The following HOOK3 variants were observed in gnomAD, a reference collection of about 807,000 sequenced individuals.
HOOK3 encodes hook microtubule tethering protein 3.
In HOOK3, 24 loss-of-function variants were observed where a neutral mutation model predicts 116.3. That is an observed-to-expected ratio of 0.21 (90% CI 0.15 to 0.29). The LOEUF (loss-of-function observed/expected upper bound fraction) is 0.29, where lower values mean the gene tolerates loss of function less well. Among genes scored for constraint, HOOK3 ranks in the 10% least tolerant of loss-of-function variants. HOOK3 has a pLI of 1.00. For missense variants in HOOK3, 632 were observed against 830.2 expected (o/e 0.76, Z 2.93); for synonymous variants, 275 against 283.0 (o/e 0.97, Z 0.28).
intron 2 of HOOK3, among the ~76,000 whole-genome samples, chr8:42,909,147 T>C (rs1205680028): frequency 6.6e-6 from 1 of 152,146 alleles, no homozygotes; most frequent in East Asian, 1.9e-4. Context: ...ATCAAAAAGA[T>C]GAAAGATACG....
At chr8:42,900,826 T>G (rs2130310854) in intron 1 of HOOK3, among the ~76,000 whole-genome samples, 1 of 152,348 alleles carries the variant, frequency 6.6e-6, no homozygotes, top group East Asian at 1.9e-4. Flanking sequence ...ATTCTCATGC[T>G]TTAGTGTTGA....
In HOOK3 at chr8:43,025,272, CTG is replaced by C. The variant is rs1160147577; in HGVS notation, c.*6776_*6777del. ...TTTTCTTATAATTTCCAGTAATACT[CTG>C]TAAGACTCGGTTTGCATGCTGTGTG... On this transcript the variant is annotated 3_prime_UTR_variant, in exon 22 of 22. Transcript: ENST00000307602. 9.6e-6 allele frequency: 2 copies of C among 208,972 alleles called. No homozygotes were observed. The highest frequency in any genetic ancestry group is 1.9e-5 in the Non-Finnish European group (2 of 102,842). 12.9% of individuals were successfully genotyped at this position (208,972 alleles called of 1,614,324 possible).
At chr8:42,995,006 TTGTGGTATTACTAGTAA>T (rs1809238879) in intron 15 of HOOK3, among the ~76,000 whole-genome samples, 1 of 152,240 alleles carries the variant, frequency 6.6e-6, no homozygotes, top group South Asian at 2.1e-4. Flanking sequence ...GTGAACAGTA[TTGTGGTATTACTAGTAA>T]TGTGTTTATG....
At chr8:42,994,334 T>G (rs1809224478) in intron 15 of HOOK3, 1 of 306,346 alleles carries the variant, frequency 3.3e-6, no homozygotes, top group South Asian at 2.7e-5. Context: ...TCTTTATTAT[T>G]TCTTCTACTA....
rs540797421 is a variant in HOOK3, at chr8:43,007,772, G to A, written c.1656-75G>A. On this transcript the variant is annotated intron_variant, in intron 17 of 21. Transcript: ENST00000307602. ...CAATGCAAGTGTAATCCAAATATAA[G>A]GAACTCAGATCTTTAATTTGAACTG... The A allele has an allele frequency of 2.3e-5, 18 of 790,168 alleles. No homozygotes were observed. In the South Asian group the frequency reaches 4.3e-4, roughly 19 times the overall value. 48.9% of individuals were successfully genotyped at this position (790,168 alleles called of 1,614,324 possible). A position where few individuals can be genotyped will look rare whatever the true frequency, so the allele number is the denominator to read the frequency against.
chr8:42,946,606 T>A lies in HOOK3; in HGVS notation c.400+3161T>A, dbSNP rs975695631. On this transcript the variant is annotated intron_variant, in intron 5 of 21. Transcript: ENST00000307602. ...AAACAGATTTCTATTAACTTGTTGT[T>A]TGTACTTTTTTGGTGTTCCATGGTA... Among the ~76,000 whole-genome samples, 4 of 152,244 alleles carry A rather than the reference T, an allele frequency of 2.6e-5. 1 individual carries two copies. The South Asian group carries it at 8.3e-4, about 32-fold the overall frequency.
intron 6 of HOOK3, among the ~76,000 whole-genome samples, chr8:42,955,116 C>T (rs1351758984): frequency 6.6e-6 from 1 of 152,188 alleles, no homozygotes; most frequent in South Asian, 2.1e-4. Flanking sequence ...TTCTTTTACC[C>T]TCTCAATACA....
intron 4 of HOOK3, among the ~76,000 whole-genome samples, chr8:42,939,815 C>T (rs578223954): frequency 1.5e-4 from 23 of 149,728 alleles, no homozygotes; most frequent in African/African-American, 2.7e-4. Flanking sequence ...ACGGGGCGGC[C>T]GGGCAGAGAC....
chr8:42,982,576 T>A, intron 13 of HOOK3, 51 bp from the exon 14 acceptor site: 2 of 1,268,580 alleles, frequency 1.6e-6, no homozygotes, highest in Non-Finnish European at 2.3e-6. Flanking sequence ...TATCGAAAGT[T>A]GTGTAACTGT....
At position 43,000,456 on chromosome 8, in the gene HOOK3, T is replaced by TA. The variant is rs1419588559; in HGVS notation, c.1621-1648dup. Among the ~76,000 whole-genome samples, 5 of 152,332 alleles carry TA rather than the reference T, an allele frequency of 3.3e-5. No individual in the cohort carries two copies. The East Asian group carries it at 9.6e-4, about 29-fold the overall frequency. On this transcript the variant is annotated intron_variant, in intron 16 of 21. Coordinates refer to ENST00000307602, the MANE Select transcript of HOOK3 (RefSeq NM_032410.4). ...AGATACTCAAAGGATATCGAGCTCT[T>TA]AAAGAGTCAGCCAACAAGAAGTCTG...
chr8:42,988,273 G>C lies in HOOK3; in HGVS notation c.1532+1478G>C, dbSNP rs187855734. On this transcript the variant is annotated intron_variant, in intron 15 of 21. Coordinates refer to ENST00000307602, the MANE Select transcript of HOOK3 (RefSeq NM_032410.4). ...TGCGGGAGCAGCTGGCGGGTGGGCA[G>C]TCCCTCTGGTGCAAGTGTCTTGATG... Among the ~76,000 whole-genome samples, 169 of 152,330 alleles carry C rather than the reference G, an allele frequency of 1.1e-3. 1 individual carries two copies. Among genetic ancestry groups the C allele is most frequent in the Admixed American group, 3.7e-3 (56 of 15,292 alleles).
chr8:42,960,558 G>A (rs570894577), intron 8 of HOOK3, among the ~76,000 whole-genome samples: 3 of 152,324 alleles, frequency 2.0e-5, no homozygotes, highest in Non-Finnish European at 2.9e-5. Context: ...AGTTTGAGAA[G>A]TAAAACAGGA....
chr8:43,001,704 C>G (rs1809383770), intron 16 of HOOK3, among the ~76,000 whole-genome samples: 1 of 152,082 alleles, frequency 6.6e-6, no homozygotes, highest in Admixed American at 6.5e-5. Context: ...TAGAAGCTGG[C>G]CCAATACTTT....
In HOOK3 at chr8:43,029,930, A is replaced by G. The variant is rs1411630859; in HGVS notation, c.*11432A>G. ...TTGACATTGTAGTAATCCACCTTGC[A>G]TTTTAGTCTTTGCAAAAAGGATATT... is the stretch of plus-strand genomic sequence containing the variant. On this transcript the variant is annotated 3_prime_UTR_variant, in exon 22 of 22. Coordinates refer to ENST00000307602, the MANE Select transcript of HOOK3 (RefSeq NM_032410.4). 1 of 214,048 alleles carries G rather than the reference A, an allele frequency of 4.7e-6. No individual in the cohort carries two copies. Among genetic ancestry groups the G allele is most frequent in the East Asian group, 7.0e-5 (1 of 14,260 alleles). The allele number at this position is 214,048 out of a possible 1,614,324, so 13.3% of individuals were successfully genotyped here. A position where few individuals can be genotyped will look rare whatever the true frequency, so the allele number is the denominator to read the frequency against.
chr8:42,993,408 A>G (rs866167281), intron 15 of HOOK3, among the ~76,000 whole-genome samples: 15 of 152,226 alleles, frequency 9.9e-5, no homozygotes, highest in African/African-American at 3.1e-4. Context: ...TGGCCTCCCA[A>G]AGTGTTGGGA....
Position 43,028,861 on chromosome 8 carries a change from AT to A in HOOK3, c.*10368del, listed in dbSNP as rs1364227306. On this transcript the variant is annotated 3_prime_UTR_variant, in exon 22 of 22. Transcript: ENST00000307602. ...TTGATGCTTTCTTCTTTCTCTTTAAATTTTTGTAATCAAGCAACAGACTTGA... is the reference window on the plus strand; with the variant it reads ...TTGATGCTTTCTTCTTTCTCTTTAAATTTTGTAATCAAGCAACAGACTTGA... 8.0e-5 allele frequency: 16 copies of A among 199,952 alleles called. No homozygotes were observed. The highest frequency in any genetic ancestry group is 6.2e-5 in the Non-Finnish European group (6 of 96,950). 12.4% of individuals were successfully genotyped at this position (199,952 alleles called of 1,614,324 possible).
chr8:43,023,344 A>G lies in HOOK3; in HGVS notation c.*4846A>G, dbSNP rs1809865167. On this transcript the variant is annotated 3_prime_UTR_variant, in exon 22 of 22. Transcript: ENST00000307602. ...AAAGATGAGCTAGGTTGAAGAAAAT[A>G]TACATTTTATTGATGAGCCACTTTG... 5.5e-6 allele frequency: 1 copy of G among 181,600 alleles called. No individual in the cohort carries two copies. The allele number at this position is 181,600 out of a possible 1,614,324, so 11.2% of individuals were successfully genotyped here. A position where few individuals can be genotyped will look rare whatever the true frequency, so the allele number is the denominator to read the frequency against.
intron 15 of HOOK3, among the ~76,000 whole-genome samples, chr8:42,990,807 G>A (rs1020697099): frequency 2.6e-5 from 4 of 152,002 alleles, no homozygotes; most frequent in African/African-American, 9.7e-5. Context: ...CCTTTGCTAT[G>A]CAGAAGCTTT....
Position 43,020,650 on chromosome 8 carries a change from A to G in HOOK3, c.*2152A>G. On this transcript the variant is annotated 3_prime_UTR_variant, in exon 22 of 22. Coordinates refer to ENST00000307602, the MANE Select transcript of HOOK3 (RefSeq NM_032410.4). Reference sequence around the variant, plus strand: ...AGTCACTTGAACTCAGGAGCCAGAGACTGCAGTGAGCTGAGATCGCACCAC... The same window carrying G: ...AGTCACTTGAACTCAGGAGCCAGAGGCTGCAGTGAGCTGAGATCGCACCAC... 5.7e-6 allele frequency: 1 copy of G among 174,854 alleles called. No individual in the cohort carries two copies. The highest frequency in any genetic ancestry group is 1.2e-5 in the Non-Finnish European group (1 of 81,124). 10.8% of individuals were successfully genotyped at this position (174,854 alleles called of 1,614,324 possible). A position where few individuals can be genotyped will look rare whatever the true frequency, so the allele number is the denominator to read the frequency against.
Sources: allele counts gnomAD v4.1 joint callset (sites outside exome capture counted in the v4.1 genomes callset), GRCh38; gene constraint gnomAD v4.1.1; transcripts MANE v1.5; gene names NCBI Gene and HGNC (gene_info 2026-07-23, HGNC 2026-07-21).